The following CYP19A1 variants were observed in gnomAD, a reference collection of about 807,000 sequenced individuals.
The protein encoded by CYP19A1 is aromatase.
A neutral mutation model predicts 44.4 loss-of-function variants in CYP19A1; 32 were observed. The ratio of observed to expected loss-of-function variants is 0.72; its 90% CI spans 0.54 to 0.97. The LOEUF (loss-of-function observed/expected upper bound fraction) is 0.97. CYP19A1 is among the 50% of genes least tolerant of loss of function. The pLI, the probability that CYP19A1 is intolerant of heterozygous loss-of-function variation, is 0.00. For synonymous variants in CYP19A1, 212 were observed against 215.6 expected, an observed-to-expected ratio of 0.98 and a Z score of 0.14; for missense variants, 598 against 637.8, an observed-to-expected ratio of 0.94 and a Z score of 0.67.
chr15:51,337,335 G>A (rs1305794120), intron 1 of CYP19A1, among the ~76,000 whole-genome samples: 1 of 152,226 alleles, frequency 6.6e-6, no homozygotes, highest in South Asian at 2.1e-4. Flanking sequence ...CACACACAGT[G>A]TAAGTCTCAG....
chr15:51,291,733 C>G (rs555483641), intron 1 of CYP19A1, among the ~76,000 whole-genome samples: 1 of 152,076 alleles, frequency 6.6e-6, no homozygotes, highest in African/African-American at 2.4e-5. Flanking sequence ...TCATGGAAAC[C>G]CCACGAGTAG....
intron 1 of CYP19A1, among the ~76,000 whole-genome samples, chr15:51,303,948 AG>A (rs1368974377): frequency 6.6e-6 from 1 of 152,222 alleles, no homozygotes; most frequent in Non-Finnish European, 1.5e-5. Flanking sequence ...AGGATGCAGC[AG>A]GGTGTTCAAA....
At chr15:51,246,856 C>T (rs566407154) in intron 1 of CYP19A1, among the ~76,000 whole-genome samples, 3 of 152,330 alleles carry the variant, frequency 2.0e-5, no homozygotes, top group East Asian at 3.9e-4. Flanking sequence ...AGCTTGCACT[C>T]CCTCTTATTC....
At chr15:51,243,141 A>G in intron 1 of CYP19A1, 191 bp from the exon 2 acceptor site, 1 of 531,878 alleles carries the variant, frequency 1.9e-6, no homozygotes, top group Non-Finnish European at 3.4e-6. Context: ...TTTGGCTTGA[A>G]TTGCAGCATT....
chr15:51,252,535 T>C (rs1414273952), intron 1 of CYP19A1, among the ~76,000 whole-genome samples: 2 of 152,206 alleles, frequency 1.3e-5, no homozygotes, highest in Non-Finnish European at 2.9e-5. Context: ...CATTTTTCGG[T>C]CCACAGAATC....
chr15:51,245,242 C>G (rs556722703), intron 1 of CYP19A1, among the ~76,000 whole-genome samples: 1 of 152,164 alleles, frequency 6.6e-6, no homozygotes, highest in Non-Finnish European at 1.5e-5. Flanking sequence ...AGTTAAGAAG[C>G]CTCGTTTCTC....
At chr15:51,277,829 A>T (rs944423758) in intron 1 of CYP19A1, among the ~76,000 whole-genome samples, 2 of 152,190 alleles carry the variant, frequency 1.3e-5, no homozygotes, top group African/African-American at 4.8e-5. Flanking sequence ...CGTTTTTTTA[A>T]AAAAATCAAA....
At chr15:51,286,303 C>T (rs893354026) in intron 1 of CYP19A1, among the ~76,000 whole-genome samples, 1 of 152,194 alleles carries the variant, frequency 6.6e-6, no homozygotes, top group Non-Finnish European at 1.5e-5. Flanking sequence ...AATATTCTCT[C>T]TTCTACCTCT....
chr15:51,260,699 G>A (rs1358000597), intron 1 of CYP19A1, among the ~76,000 whole-genome samples: 5 of 152,260 alleles, frequency 3.3e-5, no homozygotes, highest in South Asian at 2.1e-4. Flanking sequence ...GCTCACACCC[G>A]GCCAATCAGG....
intron 1 of CYP19A1, among the ~76,000 whole-genome samples, chr15:51,324,595 A>G (rs1236544124): frequency 6.6e-6 from 1 of 152,286 alleles, no homozygotes; most frequent in African/African-American, 2.4e-5. Context: ...ATAAAATAAT[A>G]TAAACTAAAA....
chr15:51,300,175 C>T (rs573177124), intron 1 of CYP19A1, among the ~76,000 whole-genome samples: 5 of 152,264 alleles, frequency 3.3e-5, no homozygotes, highest in African/African-American at 1.2e-4. Context: ...AGATGATTTT[C>T]TTCATAGAAA....
intron 1 of CYP19A1, among the ~76,000 whole-genome samples, chr15:51,329,641 G>C (rs1179751313): frequency 6.6e-6 from 1 of 152,210 alleles, no homozygotes; most frequent in Non-Finnish European, 1.5e-5. Flanking sequence ...GGGTGCTGCT[G>C]GTATGAAACT....
In CYP19A1 at chr15:51,264,112, T is replaced by C. The variant is rs567994765; in HGVS notation, c.-38-21162A>G. ...GGACATAGGCAAAGTGGAGGGACCA[T>C]TGGCTTGGAAATCTCATTGAGGCTG... On this transcript the variant is annotated intron_variant, in intron 1 of 9. Coordinates refer to ENST00000396402, the MANE Select transcript of CYP19A1 (RefSeq NM_000103.4). Among the ~76,000 whole-genome samples, 10 of 152,074 alleles carry C rather than the reference T, an allele frequency of 6.6e-5. No individual in the cohort carries two copies. The South Asian group carries it at 2.1e-3, about 32-fold the overall frequency.
intron 3 of CYP19A1, among the ~76,000 whole-genome samples, chr15:51,229,951 C>T (rs886890922): frequency 2.0e-5 from 3 of 152,140 alleles, no homozygotes; most frequent in South Asian, 2.1e-4. Context: ...ACAAACCCAA[C>T]GAAATATTTG....
intron 2 of CYP19A1, among the ~76,000 whole-genome samples, chr15:51,239,862 C>G (rs910851970): frequency 1.3e-5 from 2 of 152,134 alleles, no homozygotes; most frequent in African/African-American, 4.8e-5. Flanking sequence ...CTTTTCTCCC[C>G]CCTAGTTCCC....
chr15:51,333,936 T>C (rs1319177700), intron 1 of CYP19A1, among the ~76,000 whole-genome samples: 1 of 152,200 alleles, frequency 6.6e-6, no homozygotes, highest in East Asian at 1.9e-4. Context: ...TTAGGACCTA[T>C]ATGCACCTAT....
intron 1 of CYP19A1, among the ~76,000 whole-genome samples, chr15:51,311,597 C>T (rs920199639): frequency 4.6e-5 from 7 of 152,162 alleles, no homozygotes; most frequent in African/African-American, 1.7e-4. Context: ...GATTTGATGA[C>T]TGACATAAAT....
At chr15:51,292,801 A>C (rs939738600) in intron 1 of CYP19A1, among the ~76,000 whole-genome samples, 8 of 149,900 alleles carry the variant, frequency 5.3e-5, no homozygotes, top group African/African-American at 1.7e-4. Flanking sequence ...GTCCTTCTTC[A>C]TGGGCAGAAA....
chr15:51,316,759 G>A (rs1241540718), intron 1 of CYP19A1, among the ~76,000 whole-genome samples: 3 of 151,746 alleles, frequency 2.0e-5, no homozygotes, highest in Admixed American at 2.0e-4. Context: ...AGAAGGAATG[G>A]CAATATGTGC....
Sources: allele counts gnomAD v4.1 joint callset (sites outside exome capture counted in the v4.1 genomes callset), GRCh38; gene constraint gnomAD v4.1.1; transcripts MANE v1.5; gene names NCBI Gene and HGNC (gene_info 2026-07-23, HGNC 2026-07-21).